Variants in SLC30A6 observed in about 807,000 individuals in gnomAD.
SLC30A6 encodes solute carrier family 30 member 6, also known as zinc transporter 6.
Under a neutral mutation model 63.0 loss-of-function variants are expected in SLC30A6, and 55 were observed. The observed-to-expected ratio is 0.87, with a 90% CI of 0.70 to 1.09. The LOEUF (loss-of-function observed/expected upper bound fraction) is 1.09. Among genes scored for constraint, SLC30A6 ranks in the 50% least tolerant of loss-of-function variants. The probability of loss-of-function intolerance (pLI) is 0.00; values close to 1 mark genes in which losing one functional copy is unlikely to be tolerated. For synonymous variants in SLC30A6, 224 were observed against 186.1 expected (o/e 1.20, Z -1.66); for missense variants, 587 against 549.2 (o/e 1.07, Z -0.69).
intron 3 of SLC30A6, among the ~76,000 whole-genome samples, 169 bp from the exon 4 acceptor site, chr2:32,175,150 C>T (rs1359524859): frequency 1.3e-5 from 2 of 152,036 alleles, no homozygotes; most frequent in Non-Finnish European, 2.9e-5. Context: ...CGAACTTTGG[C>T]TACATATATT....
chr2:32,206,821 AGGACCATTGTT>A, intron 11 of SLC30A6, 54 bp from the exon 12 acceptor site: 1 of 1,271,164 alleles, frequency 7.9e-7, no homozygotes, highest in South Asian at 1.2e-5. Context: ...GAGGGGGTTC[AGGACCATTGTT>A]GGCAAACTTT....
chr2:32,205,665 T>TC (rs1270981105), intron 11 of SLC30A6, among the ~76,000 whole-genome samples: 1 of 139,640 alleles, frequency 7.2e-6, no homozygotes, highest in Non-Finnish European at 1.6e-5. Context: ...GTTACTTCTT[T>TC]TTTTTTTTTT....
At chr2:32,171,781 C>T (rs1222518934) in intron 2 of SLC30A6, among the ~76,000 whole-genome samples, 3 of 151,938 alleles carry the variant, frequency 2.0e-5, no homozygotes, top group Non-Finnish European at 4.4e-5. Context: ...CAACCTCTGC[C>T]TCCCGGGTTC....
rs1686142167 is a variant in SLC30A6, at chr2:32,221,459, A to G, written c.*746A>G. ...AGGTGTGAGCCACCGCACCTGGCCG[A>G]TATTTTCTTTAATGAAATTTATAAA... On this transcript the variant is annotated 3_prime_UTR_variant, in exon 14 of 14. Transcript: ENST00000282587. 6.6e-6 allele frequency: 1 copy of G among 152,102 alleles called. No individual in the cohort carries two copies. Among genetic ancestry groups the G allele is most frequent in the Non-Finnish European group, 1.5e-5 (1 of 68,018 alleles). The allele number at this position is 152,102 out of a possible 1,614,324, so 9.4% of individuals were successfully genotyped here. A position where few individuals can be genotyped will look rare whatever the true frequency, so the allele number is the denominator to read the frequency against.
At chr2:32,168,918 G>C (rs1680922781) in intron 1 of SLC30A6, among the ~76,000 whole-genome samples, 2 of 152,094 alleles carry the variant, frequency 1.3e-5, no homozygotes, top group Non-Finnish European at 2.9e-5. Flanking sequence ...TATGACATTA[G>C]GATTTTTGTT....
rs149044654 is a variant in SLC30A6, at chr2:32,199,410, T to G, written c.665+1584T>G. ...ATGATAATTCTGTATTTATCTAATT[T>G]ATTTAATTTTTTATTTTTGTAGGCA... On this transcript the variant is annotated intron_variant, in intron 10 of 13. Coordinates refer to ENST00000282587, the MANE Select transcript of SLC30A6 (RefSeq NM_017964.5). 8.5e-5 allele frequency among the ~76,000 whole-genome samples: 13 copies of G among 152,352 alleles called. No individual in the cohort carries two copies. In the East Asian group the frequency reaches 2.5e-3, roughly 29 times the overall value.
intron 4 of SLC30A6, among the ~76,000 whole-genome samples, chr2:32,178,104 C>T (rs992126523): frequency 1.3e-5 from 2 of 151,792 alleles, no homozygotes; most frequent in Admixed American, 6.6e-5. Context: ...CCCGCCACCA[C>T]GCTTGGCTAA....
chr2:32,220,277 C>T lies in SLC30A6; in HGVS notation c.950C>T (p.Thr317Ile). Residue 317 changes from threonine (T) to isoleucine (I), a missense_variant, in exon 14 of 14, where the codon ACC becomes ATC. Thr to Ile is a moderately conservative substitution (Grantham distance 89). Coordinates refer to ENST00000282587, the MANE Select transcript of SLC30A6 (RefSeq NM_017964.5). Reference sequence around the variant, plus strand: ...GAACAAATGGTTCTTGCTCATGTGACCAACAGGCTGTACACTCTAGTGTCT... The same window carrying T: ...GAACAAATGGTTCTTGCTCATGTGATCAACAGGCTGTACACTCTAGTGTCT... Reference protein sequence around the residue: ...ANEQMVLAHVTNRLYTLVSTL... With the variant: ...ANEQMVLAHVINRLYTLVSTL... 5 of 1,614,142 alleles carry T rather than the reference C, an allele frequency of 3.1e-6. No homozygotes were observed. Among genetic ancestry groups the T allele is most frequent in the Non-Finnish European group, 3.4e-6 (4 of 1,180,024 alleles).
Position 32,204,558 on chromosome 2 carries a change from A to G in SLC30A6, c.666-32A>G, listed in dbSNP as rs766838140. The G allele has an allele frequency of 4.3e-5, 64 of 1,479,724 alleles. No homozygotes were observed. The East Asian group carries it at 7.6e-4, about 18-fold the overall frequency. The allele number at this position is 1,479,724 out of a possible 1,614,324, so 91.7% of individuals were successfully genotyped here. A position where few individuals can be genotyped will look rare whatever the true frequency, so the allele number is the denominator to read the frequency against. On this transcript the variant is annotated intron_variant, in intron 10 of 13. Coordinates refer to ENST00000282587, the MANE Select transcript of SLC30A6 (RefSeq NM_017964.5). ...TTGTAATATGCCCAGTGAGATATAAATTTAAAATTTAGAATTGTTTTTTCC... is the reference window on the plus strand; with the variant it reads ...TTGTAATATGCCCAGTGAGATATAAGTTTAAAATTTAGAATTGTTTTTTCC...
chr2:32,172,119 A>C (rs985611973), intron 2 of SLC30A6, among the ~76,000 whole-genome samples: 1 of 152,132 alleles, frequency 6.6e-6, no homozygotes, highest in Non-Finnish European at 1.5e-5. Context: ...CATGCTTCTC[A>C]TTGTTGTCTA....
At chr2:32,186,691 C>CAA (rs771911767) in intron 5 of SLC30A6, among the ~76,000 whole-genome samples, 2 of 136,334 alleles carry the variant, frequency 1.5e-5, no homozygotes, top group Non-Finnish European at 1.6e-5. Context: ...GACTCTGTCT[C>CAA]AAAAAAAAAA....
In SLC30A6 at chr2:32,209,474, C is replaced by T. The variant is rs780410811; in HGVS notation, c.817-19C>T. The stretch of plus-strand genomic sequence containing the variant: ...GTTAAGTACAGACAACTCTGATCAC[C>T]TCTTTCTGTTTTTGGTAGGTATCTA... On this transcript the variant is annotated intron_variant, in intron 12 of 13. Coordinates refer to ENST00000282587, the MANE Select transcript of SLC30A6 (RefSeq NM_017964.5). 1.3e-6 allele frequency: 2 copies of T among 1,594,924 alleles called. No homozygotes were observed.
chr2:32,197,261 T>G (rs1481089421), intron 8 of SLC30A6, 83 bp from the exon 9 acceptor site: 17 of 1,267,992 alleles, frequency 1.3e-5, no homozygotes, highest in Non-Finnish European at 1.6e-5. Context: ...CAAATTTATT[T>G]TTTAAAATTA....
intron 8 of SLC30A6, among the ~76,000 whole-genome samples, chr2:32,195,697 A>ATATT (rs1161048794): frequency 7.4e-5 from 11 of 148,740 alleles, no homozygotes; most frequent in African/African-American, 1.7e-4. Context: ...ATATTATATT[A>ATATT]TATTTATTTA....
At chr2:32,202,273 G>A in intron 10 of SLC30A6, 1 of 577,520 alleles carries the variant, frequency 1.7e-6, no homozygotes, top group Non-Finnish European at 2.9e-6. Flanking sequence ...AGGAAAGAAA[G>A]ACATTCTATT....
At chr2:32,171,403 T>C (rs776341538) in intron 2 of SLC30A6, 30 bp downstream of exon 2, 3 of 1,534,938 alleles carry the variant, frequency 2.0e-6, no homozygotes, top group South Asian at 1.1e-5. Flanking sequence ...CAATTTTAAT[T>C]ATTGCACAAA....
intron 4 of SLC30A6, among the ~76,000 whole-genome samples, chr2:32,176,372 T>C (rs1299218042): frequency 6.6e-6 from 1 of 152,070 alleles, no homozygotes; most frequent in Admixed American, 6.6e-5. Context: ...AAAATGGCTT[T>C]ATTTGGCCAG....
chr2:32,202,844 T>G (rs1285105397), intron 10 of SLC30A6: 1 of 844,650 alleles, frequency 1.2e-6, no homozygotes, highest in Non-Finnish European at 2.1e-6. Context: ...ACGAACAGAT[T>G]GATGTTTTTG....
chr2:32,188,806 T>C (rs952379570), intron 5 of SLC30A6, among the ~76,000 whole-genome samples: 5 of 152,224 alleles, frequency 3.3e-5, no homozygotes, highest in African/African-American at 9.6e-5. Context: ...GATCATGATA[T>C]AGAACATTAC....
Sources: gnomAD v4.1 joint callset for allele counts (sites outside exome capture counted in the v4.1 genomes callset) on GRCh38, gnomAD v4.1.1 for gene constraint, MANE v1.5 for transcripts, NCBI Gene and HGNC (gene_info 2026-07-23, HGNC 2026-07-21) for gene names.